The following SMC1B variants were observed in gnomAD, a reference collection of about 807,000 sequenced individuals.
SMC1B encodes structural maintenance of chromosomes protein 1B.
In SMC1B, 60 loss-of-function variants were observed where a neutral mutation model predicts 157.9. That is an observed-to-expected ratio of 0.38 (90% confidence interval 0.31 to 0.47). The LOEUF (loss-of-function observed/expected upper bound fraction) is 0.47. Ranked by LOEUF, SMC1B falls within the 20% of genes least tolerant of loss-of-function variation. The probability of loss-of-function intolerance (pLI) is 0.99; values close to 1 mark genes in which losing one functional copy is unlikely to be tolerated. For synonymous variants in SMC1B, 445 were observed against 483.0 expected (o/e 0.92, Z 1.03); for missense variants, 1,165 against 1,426.2 (o/e 0.82, Z 2.95).
At chr22:45,391,035 T>A (rs559293313) in intron 9 of SMC1B, among the ~76,000 whole-genome samples, 1 of 152,126 alleles carries the variant, frequency 6.6e-6, no homozygotes, top group South Asian at 2.1e-4. Flanking sequence ...ATAATTTGAT[T>A]TTCAGCTGTG....
At chr22:45,397,123 A>C (rs933790049) in intron 6 of SMC1B, among the ~76,000 whole-genome samples, 2 of 107,576 alleles carry the variant, frequency 1.9e-5, no homozygotes, top group Non-Finnish European at 1.7e-5. Context: ...TTATAACTAT[A>C]TAAGTAGAAA....
At position 45,406,872 on chromosome 22, in the gene SMC1B, T is replaced by A; in HGVS notation, c.299-7A>T. On this transcript the variant is annotated splice_region_variant and splice_polypyrimidine_tract_variant and intron_variant, in intron 2 of 24. Coordinates refer to ENST00000357450, the MANE Select transcript of SMC1B (RefSeq NM_148674.5). The stretch of plus-strand genomic sequence containing the variant: ...CGAAATTCTGAGCATCCCCCTAAAA[T>A]AAAAAAATAAACCCTGTTAAAAAAT... 1 of 1,540,150 alleles carries A rather than the reference T, an allele frequency of 6.5e-7. No homozygotes were observed. The highest frequency in any genetic ancestry group is 8.7e-7 in the Non-Finnish European group (1 of 1,149,794).
At chr22:45,401,890 T>G (rs2087199240) in intron 5 of SMC1B, among the ~76,000 whole-genome samples, 1 of 135,566 alleles carries the variant, frequency 7.4e-6, no homozygotes, top group Middle Eastern at 3.5e-3. Context: ...CTACACCACC[T>G]TTTTTTTTTT....
chr22:45,348,187 C>A (rs80147164), intron 23 of SMC1B, among the ~76,000 whole-genome samples: 36 of 152,310 alleles, frequency 2.4e-4, no homozygotes, highest in Admixed American at 4.6e-4. Context: ...TTCCTTAGTT[C>A]TCTCATTCTC....
intron 16 of SMC1B, among the ~76,000 whole-genome samples, chr22:45,362,425 G>A (rs2086730404): frequency 1.3e-5 from 2 of 152,106 alleles, no homozygotes; most frequent in Admixed American, 6.5e-5. Flanking sequence ...TCCCATCGCT[G>A]CTCCACTGCT....
At chr22:45,364,694 A>G (rs1389413595) in intron 15 of SMC1B, among the ~76,000 whole-genome samples, 1 of 152,178 alleles carries the variant, frequency 6.6e-6, no homozygotes, top group Non-Finnish European at 1.5e-5. Flanking sequence ...GATGATGTAG[A>G]AGTGGAACGC....
intron 12 of SMC1B, among the ~76,000 whole-genome samples, chr22:45,374,047 G>A (rs562252153): frequency 9.5e-5 from 14 of 147,958 alleles, no homozygotes; most frequent in African/African-American, 3.0e-4. Flanking sequence ...AAAAGAAACC[G>A]GAAAATAAGA....
chr22:45,363,385 A>T (rs1191727050), intron 15 of SMC1B, among the ~76,000 whole-genome samples: 1 of 152,220 alleles, frequency 6.6e-6, no homozygotes, highest in Non-Finnish European at 1.5e-5. Flanking sequence ...TTTCCTTTTT[A>T]AAAATTTTCT....
intron 12 of SMC1B, among the ~76,000 whole-genome samples, chr22:45,375,119 G>A (rs1047727723): frequency 2.0e-5 from 3 of 152,184 alleles, no homozygotes; most frequent in African/African-American, 7.2e-5. Flanking sequence ...TCTATTCAGA[G>A]TCCCCACTCT....
In SMC1B at chr22:45,349,760, C is replaced by T; in HGVS notation, c.3463G>A (p.Asp1155Asn). The part of the protein sequence containing the change: ...PAPFFVLDEV[D>N]AALDNTNIGK... ...ATGTTAGTATTGTCTAGGGCTGCATCCACTTCATCTAAAACAAAGAATGGG... is the reference window on the plus strand; with the variant it reads ...ATGTTAGTATTGTCTAGGGCTGCATTCACTTCATCTAAAACAAAGAATGGG... The change falls in exon 23 of 25, where the codon GAT becomes AAT. Residue 1155 changes from aspartate (D) to asparagine (N), a missense_variant. Asp to Asn is a conservative substitution (Grantham distance 23). Coordinates refer to ENST00000357450, the MANE Select transcript of SMC1B (RefSeq NM_148674.5). 1 of 1,612,446 alleles carries T rather than the reference C, an allele frequency of 6.2e-7. No individual in the cohort carries two copies. The highest frequency in any genetic ancestry group is 1.1e-5 in the South Asian group (1 of 90,536).
At chr22:45,360,150 CAGTT>C (rs1339216135) in intron 17 of SMC1B, among the ~76,000 whole-genome samples, 192 bp from the exon 18 acceptor site, 3 of 152,152 alleles carry the variant, frequency 2.0e-5, no homozygotes, top group African/African-American at 7.2e-5. Flanking sequence ...CGAATATACT[CAGTT>C]AATCTAAGGG....
rs1349652250 is a variant in SMC1B, at chr22:45,355,068, C to A, written c.3009G>T (p.Leu1003Phe). ...TATCTTCCTGGGATGCTACTTGCTG[C>A]AATAAGAGCCTAAGGTGGGCCTCGA... ...QEIEAHLRLL[L>F]QQVASQEDIL... Residue 1003 changes from leucine (L) to phenylalanine (F), a missense_variant, in exon 20 of 25, where the codon TTG (leucine) becomes TTT (phenylalanine). Leu to Phe is a conservative substitution (Grantham distance 22, BLOSUM62 0). Coordinates refer to ENST00000357450, the MANE Select transcript of SMC1B (RefSeq NM_148674.5). The A allele has an allele frequency of 6.2e-7, 1 of 1,614,032 alleles. No homozygotes were observed. Among genetic ancestry groups the A allele is most frequent in the Non-Finnish European group, 8.5e-7 (1 of 1,180,022 alleles).
At chr22:45,400,162 G>A (rs1285058740) in intron 5 of SMC1B, among the ~76,000 whole-genome samples, 1 of 152,160 alleles carries the variant, frequency 6.6e-6, no homozygotes, top group African/African-American at 2.4e-5. Flanking sequence ...GGACACTCCA[G>A]TAGCAACGAA....
At position 45,359,786 on chromosome 22, in the gene SMC1B, C is replaced by G; in HGVS notation, c.2862+19G>C. The G allele has an allele frequency of 6.2e-7, 1 of 1,606,252 alleles. No homozygotes were observed. Among genetic ancestry groups the G allele is most frequent in the South Asian group, 1.1e-5 (1 of 90,372 alleles). On this transcript the variant is annotated intron_variant, in intron 18 of 24. Transcript: ENST00000357450. ...GTTCCACACAACGGCACATATTTTA[C>G]AGTCATTTGCTAGAATACCTCCACT...
chr22:45,363,963 C>T (rs2086747777), intron 15 of SMC1B, among the ~76,000 whole-genome samples: 1 of 151,976 alleles, frequency 6.6e-6, no homozygotes, highest in Non-Finnish European at 1.5e-5. Flanking sequence ...ATTCTCCTGC[C>T]TCAGCCTTCC....
At position 45,407,801 on chromosome 22, in the gene SMC1B, G is replaced by A. The variant is rs190970879; in HGVS notation, c.298+909C>T. On this transcript the variant is annotated intron_variant, in intron 2 of 24. Coordinates refer to ENST00000357450, the MANE Select transcript of SMC1B (RefSeq NM_148674.5). ...CACTGAGCTAGCCTAATGCAGAAGT[G>A]ACTATGCCTCTACCCCTGTCACATG... 5.7e-3 allele frequency among the ~76,000 whole-genome samples: 860 copies of A among 152,210 alleles called. 6 individuals are homozygous for A. The highest frequency in any genetic ancestry group is 0.02 in the African/African-American group (816 of 41,544).
Position 45,369,945 on chromosome 22 carries a change from TA to T in SMC1B, c.2420+8del. 1 of 1,477,194 alleles carries T rather than the reference TA, an allele frequency of 6.8e-7. No homozygotes were observed. Among genetic ancestry groups the T allele is most frequent in the South Asian group, 1.2e-5 (1 of 81,320 alleles). The allele number at this position is 1,477,194 out of a possible 1,614,324, so 91.5% of individuals were successfully genotyped here. On this transcript the variant is annotated splice_region_variant and intron_variant, in intron 15 of 24. Transcript: ENST00000357450. ...TAAGCTCCTTACCAACATCTTTTTA[TA>T]AAAATACCTTTTTTGATCAATTTCT...
intron 1 of SMC1B, among the ~76,000 whole-genome samples, chr22:45,412,970 A>C (rs889899428): frequency 1 from 152,251 of 152,252 alleles, 76,125 homozygotes; most frequent in Non-Finnish European, 1. Flanking sequence ...GGCCAAGGGC[A>C]AGAGCAGTCC....
At position 45,368,089 on chromosome 22, in the gene SMC1B, T is replaced by C. The variant is rs192010828; in HGVS notation, c.2420+1865A>G. ...AGTGATACTGAGTATCTCTAATTTCTGACATTACTAGGAAGTGAAACCATG... is the reference window on the plus strand; with the variant it reads ...AGTGATACTGAGTATCTCTAATTTCCGACATTACTAGGAAGTGAAACCATG... On this transcript the variant is annotated intron_variant, in intron 15 of 24. Transcript: ENST00000357450. Among the ~76,000 whole-genome samples, 131 of 152,328 alleles carry C rather than the reference T, an allele frequency of 8.6e-4. 1 individual carries two copies. The highest frequency in any genetic ancestry group is 3.0e-3 in the African/African-American group (126 of 41,576).
Sources: gnomAD v4.1 joint callset for allele counts (sites outside exome capture counted in the v4.1 genomes callset) on GRCh38, gnomAD v4.1.1 for gene constraint, MANE v1.5 for transcripts, NCBI Gene and HGNC (gene_info 2026-07-23, HGNC 2026-07-21) for gene names.